The following ZNF169 variants were observed in gnomAD, a reference collection of about 807,000 sequenced individuals.
ZNF169 encodes zinc finger protein 169.
A neutral mutation model predicts 12.0 loss-of-function variants in ZNF169; 11 were observed. That is an observed-to-expected ratio of 0.92 (90% confidence interval 0.58 to 1.52). The LOEUF is 1.52. ZNF169 is among the 40% of genes most tolerant of loss of function. The pLI is 0.00. For missense variants in ZNF169, 722 were observed against 744.0 expected, an observed-to-expected ratio of 0.97 and a Z score of 0.34; for synonymous variants, 302 against 286.5, an observed-to-expected ratio of 1.05 and a Z score of -0.55.
At chr9:94,274,327 AATT>A (rs1434656109) in intron 1 of ZNF169, among the ~76,000 whole-genome samples, 1 of 152,184 alleles carries the variant, frequency 6.6e-6, no homozygotes, top group Non-Finnish European at 1.5e-5. Flanking sequence ...CCAAGTCACA[AATT>A]TGGTAAGTTG....
chr9:94,301,033 GGCGT>G lies in ZNF169; in HGVS notation c.1478_1481del (p.Arg493HisfsTer22). 6.2e-7 allele frequency: 1 copy of G among 1,614,136 alleles called. No homozygotes were observed. The highest frequency in any genetic ancestry group is 1.7e-5 in the Admixed American group (1 of 60,020). On this transcript the variant is annotated frameshift_variant, in exon 5 of 5. Transcript: ENST00000395395. LOFTEE classifies it low-confidence loss of function (END_TRUNC). ...AAGCCTTATCTGTGCCCCAAGTGTGGGCGTGCATTTGGCTTTAAGTCGCTCCTCA... is the reference window on the plus strand; with the variant it reads ...AAGCCTTATCTGTGCCCCAAGTGTGGGCATTTGGCTTTAAGTCGCTCCTCA...
chr9:94,291,047 C>CTT (rs59027045), intron 2 of ZNF169, among the ~76,000 whole-genome samples: 2,783 of 59,622 alleles, frequency 0.047, 208 homozygotes, highest in East Asian at 0.16. Flanking sequence ...GAACAGTATT[C>CTT]TTTTTTTTTT....
chr9:94,301,530 C>T lies in ZNF169; in HGVS notation c.*160C>T. ...TATATTCACAATTTGTCTTGGCTTGCTAGGGGTTCCATAACAAAGTACCCC... is the reference window on the plus strand; with the variant it reads ...TATATTCACAATTTGTCTTGGCTTGTTAGGGGTTCCATAACAAAGTACCCC... On this transcript the variant is annotated 3_prime_UTR_variant, in exon 5 of 5. Transcript: ENST00000395395. The T allele has an allele frequency of 7.5e-7, 1 of 1,338,920 alleles. No homozygotes were observed. 82.9% of individuals were successfully genotyped at this position (1,338,920 alleles called of 1,614,324 possible).
chr9:94,265,328 C>G (rs549343456), intron 1 of ZNF169, among the ~76,000 whole-genome samples: 68 of 151,974 alleles, frequency 4.5e-4, no homozygotes, highest in Admixed American at 8.5e-4. Flanking sequence ...GTCTGTAATC[C>G]CAGCACTTTG....
In ZNF169 at chr9:94,276,503, C is replaced by T. The variant is rs1830521673; in HGVS notation, c.-55-2255C>T. ...CTTGAACACCTGACCTCATGATTCA[C>T]CCACCTCGGCCTCCCAAAGTGCTAG... On this transcript the variant is annotated intron_variant, in intron 1 of 4. Transcript: ENST00000395395. 1.3e-5 allele frequency among the ~76,000 whole-genome samples: 2 copies of T among 152,006 alleles called. 1 individual carries two copies. Among genetic ancestry groups the T allele is most frequent in the South Asian group, 4.2e-4 (2 of 4,818 alleles).
intron 1 of ZNF169, among the ~76,000 whole-genome samples, chr9:94,270,860 T>TA (rs1235167056): frequency 7.8e-4 from 11 of 14,058 alleles, no homozygotes; most frequent in Non-Finnish European, 1.0e-3. Context: ...TAAATATATA[T>TA]AATAATATAT....
chr9:94,280,569 A>G (rs1421846749), intron 2 of ZNF169, among the ~76,000 whole-genome samples: 1 of 152,228 alleles, frequency 6.6e-6, no homozygotes, highest in Non-Finnish European at 1.5e-5. Flanking sequence ...GCATTCAAAC[A>G]TAAATTTAAT....
intron 2 of ZNF169, among the ~76,000 whole-genome samples, chr9:94,286,483 T>A (rs1450799363): frequency 1.3e-5 from 2 of 152,170 alleles, no homozygotes; most frequent in Non-Finnish European, 2.9e-5. Flanking sequence ...ATTCTCAATA[T>A]TGGGGGAGGG....
chr9:94,298,434 A>G (rs1302616522), intron 4 of ZNF169, among the ~76,000 whole-genome samples: 1 of 152,040 alleles, frequency 6.6e-6, no homozygotes, highest in East Asian at 1.9e-4. Context: ...TAACCCCAGC[A>G]CTTTGGGAGG....
chr9:94,276,802 T>C lies in ZNF169; in HGVS notation c.-55-1956T>C, dbSNP rs567754026. ...TCCATTTGTTGAAAGTGTTGCATTT[T>C]TAAAAAGTTGCAAACATGTTAGTTC... On this transcript the variant is annotated intron_variant, in intron 1 of 4. Transcript: ENST00000395395. Among the ~76,000 whole-genome samples the C allele has an allele frequency of 2.0e-5, 3 of 152,330 alleles. No homozygotes were observed. In the South Asian group the frequency reaches 6.2e-4, roughly 32 times the overall value.
intron 2 of ZNF169, chr9:94,287,667 A>C: frequency 1.0e-6 from 1 of 980,936 alleles, no homozygotes; most frequent in Non-Finnish European, 1.6e-6. Context: ...CCCGGCCAAA[A>C]ATAGTTTAAA....
At chr9:94,285,587 T>C (rs1830707672) in intron 2 of ZNF169, among the ~76,000 whole-genome samples, 1 of 152,122 alleles carries the variant, frequency 6.6e-6, no homozygotes, top group Admixed American at 6.5e-5. Flanking sequence ...CCAATAAGTC[T>C]ATGTCAGAAT....
intron 4 of ZNF169, chr9:94,293,323 C>A: frequency 1.7e-6 from 1 of 592,714 alleles, no homozygotes; most frequent in Admixed American, 2.9e-5. Flanking sequence ...CGAGCACATT[C>A]AGGATTTCTC....
intron 1 of ZNF169, among the ~76,000 whole-genome samples, chr9:94,277,416 G>A (rs1293064080): frequency 2.6e-5 from 4 of 152,156 alleles, no homozygotes; most frequent in African/African-American, 9.7e-5. Flanking sequence ...ATTCTCTATA[G>A]AATATGGATT....
At chr9:94,277,660 G>A (rs1309106117) in intron 1 of ZNF169, among the ~76,000 whole-genome samples, 4 of 152,010 alleles carry the variant, frequency 2.6e-5, no homozygotes, top group African/African-American at 7.2e-5. Flanking sequence ...GGCCGGGCAC[G>A]GTGGCTCACG....
At chr9:94,290,324 G>C (rs112788401) in intron 2 of ZNF169, among the ~76,000 whole-genome samples, 3,915 of 152,240 alleles carry the variant, frequency 0.026, 192 homozygotes, top group African/African-American at 0.087. Context: ...CATTCACATT[G>C]TTATACAACC....
At chr9:94,273,574 T>TC (rs1328189852) in intron 1 of ZNF169, among the ~76,000 whole-genome samples, 1 of 86,830 alleles carries the variant, frequency 1.2e-5, no homozygotes, top group Non-Finnish European at 2.6e-5. Flanking sequence ...TAACTTTCTT[T>TC]CTTTCTTTTT....
intron 4 of ZNF169, chr9:94,299,474 C>A (rs1831011432): frequency 1.7e-6 from 2 of 1,171,054 alleles, no homozygotes; most frequent in Non-Finnish European, 2.2e-6. Flanking sequence ...TTGGCTCTTG[C>A]ATAAACAGCA....
intron 1 of ZNF169, among the ~76,000 whole-genome samples, chr9:94,260,485 G>C (rs77970546): frequency 7.0e-5 from 1 of 14,192 alleles, no homozygotes; most frequent in Non-Finnish European, 1.2e-4. Flanking sequence ...CTTGATAGTG[G>C]GGGGGGGGAC....
Sources: allele counts gnomAD v4.1 joint callset (sites outside exome capture counted in the v4.1 genomes callset), GRCh38; gene constraint gnomAD v4.1.1; transcripts MANE v1.5; gene names NCBI Gene and HGNC (gene_info 2026-07-23, HGNC 2026-07-21).